The following NUDC variants were observed in gnomAD, a reference collection of about 807,000 sequenced individuals.
NUDC encodes the protein nuclear distribution C, dynein complex regulator.
In NUDC, 14 loss-of-function variants were observed where a neutral mutation model predicts 45.0. That is an observed-to-expected ratio of 0.31 (90% CI 0.21 to 0.49). The LOEUF (loss-of-function observed/expected upper bound fraction) is 0.49. NUDC is among the 20% of genes least tolerant of loss of function. NUDC has a pLI of 0.99. For missense variants in NUDC, 323 were observed against 426.2 expected (o/e 0.76, Z 2.13); for synonymous variants, 153 against 156.7 (o/e 0.98, Z 0.17).
intron 3 of NUDC, among the ~76,000 whole-genome samples, chr1:26,914,732 T>C (rs2082052092): frequency 6.6e-6 from 1 of 152,028 alleles, no homozygotes; most frequent in Admixed American, 6.6e-5. Flanking sequence ...TTTGGGAGGC[T>C]GAGGAAGGGG....
chr1:26,902,586 CAAAT>C (rs1367314874), intron 2 of NUDC, among the ~76,000 whole-genome samples: 1 of 152,096 alleles, frequency 6.6e-6, no homozygotes, highest in Non-Finnish European at 1.5e-5. Flanking sequence ...ATAATCCTTT[CAAAT>C]AAAATCTCTC....
In NUDC at chr1:26,941,741, T is replaced by C. The variant is rs1267265934; in HGVS notation, c.364-12T>C. ...GGGGTCCTGTTGCCAACTGCTGTGC[T>C]CTTTGCCCCAGAAAAAGGATGCAGA... On this transcript the variant is annotated splice_polypyrimidine_tract_variant and intron_variant, in intron 3 of 8. Transcript: ENST00000321265. 1.9e-6 allele frequency: 3 copies of C among 1,614,132 alleles called. No individual in the cohort carries two copies. The highest frequency in any genetic ancestry group is 2.2e-5 in the South Asian group (2 of 91,078).
In NUDC at chr1:26,942,943, C is replaced by T; in HGVS notation, c.619C>T (p.Leu207Phe). The change falls in exon 6 of 9, where the codon CTC becomes TTC. Residue 207 changes from leucine (L) to phenylalanine (F), a missense_variant. By Grantham distance (22) the Leu-to-Phe change is conservative (BLOSUM62 0). Around this residue, in one of 3 missense-constraint regions of NUDC, gnomAD observed 245 missense variants for 278.8 expected, o/e 0.88. Transcript: ENST00000321265. ...GGTGGTGGACATCCAGCGGCGGCAC[C>T]TCCGGGTGGGGCTCAAGGGGCAGCC... ...DMVVDIQRRH[L>F]RVGLKGQPAI... is the part of the protein sequence containing the mutation. 3.1e-6 allele frequency: 5 copies of T among 1,614,128 alleles called. No individual in the cohort carries two copies. Among genetic ancestry groups the T allele is most frequent in the Non-Finnish European group, 4.2e-6 (5 of 1,180,040 alleles).
chr1:26,920,199 A>C (rs942366477), upstream of NUDC, among the ~76,000 whole-genome samples: 3 of 152,184 alleles, frequency 2.0e-5, no homozygotes, highest in Non-Finnish European at 2.9e-5. Context: ...TAAAAAATAG[A>C]CTAGAACAGG....
intron 4 of NUDC, 30 bp downstream of exon 4, chr1:26,941,848 G>A (rs769165805): frequency 1.2e-6 from 2 of 1,608,580 alleles, no homozygotes; most frequent in Admixed American, 3.3e-5. Flanking sequence ...CTTGGGATGA[G>A]CCAGGAGCTT....
intron 3 of NUDC, among the ~76,000 whole-genome samples, chr1:26,912,520 T>C (rs1384795137): frequency 6.6e-6 from 1 of 152,206 alleles, no homozygotes; most frequent in African/African-American, 2.4e-5. Context: ...GTAAGTGTGA[T>C]ATGAGTATTT....
chr1:26,906,575 C>T (rs561168331), intron 2 of NUDC, among the ~76,000 whole-genome samples: 3 of 152,232 alleles, frequency 2.0e-5, no homozygotes, highest in East Asian at 1.9e-4. Flanking sequence ...GTGGGCCGGG[C>T]GTGGTGGCTC....
intron 3 of NUDC, 37 bp downstream of exon 3, chr1:26,941,697 C>A: frequency 1.2e-6 from 2 of 1,613,488 alleles, no homozygotes; most frequent in Non-Finnish European, 1.7e-6. Flanking sequence ...CCCTCAGATC[C>A]CCCCTGGCAC....
intron 2 of NUDC, among the ~76,000 whole-genome samples, chr1:26,940,135 C>A (rs536351180): frequency 6.6e-6 from 1 of 152,210 alleles, no homozygotes; most frequent in African/African-American, 2.4e-5. Flanking sequence ...GCTCTTCCTT[C>A]AAGAAAGCTC....
chr1:26,917,130 CCCCTGTAGT>C (rs1346221806), upstream of NUDC, among the ~76,000 whole-genome samples: 1 of 151,492 alleles, frequency 6.6e-6, no homozygotes, highest in Non-Finnish European at 1.5e-5. Context: ...TGGTGGCATG[CCCCTGTAGT>C]CCCAGCTACT....
intron 2 of NUDC, among the ~76,000 whole-genome samples, chr1:26,929,916 C>T (rs1278301273): frequency 2.0e-5 from 3 of 151,960 alleles, no homozygotes; most frequent in East Asian, 1.9e-4. Flanking sequence ...CCCAGCTACT[C>T]GGGAGGCTGA....
At chr1:26,922,377 G>T in intron 1 of NUDC, 1 of 217,208 alleles carries the variant, frequency 4.6e-6, no homozygotes, top group South Asian at 5.6e-5. Context: ...GGAGGCCTGT[G>T]TTCACGATTA....
At chr1:26,916,387 C>G (rs936887741) in intron 3 of NUDC, among the ~76,000 whole-genome samples, 13 of 151,472 alleles carry the variant, frequency 8.6e-5, no homozygotes, top group African/African-American at 3.2e-4. Context: ...AAGACTCTGT[C>G]TAAAAAAAAA....
chr1:26,919,272 T>G (rs2082077132), upstream of NUDC, among the ~76,000 whole-genome samples: 1 of 151,954 alleles, frequency 6.6e-6, no homozygotes, highest in African/African-American at 2.4e-5. Flanking sequence ...ATACTTTGAG[T>G]TCTAGGGTAC....
At chr1:26,900,915 G>A (rs1403466239) in intron 1 of NUDC, among the ~76,000 whole-genome samples, 4 of 152,152 alleles carry the variant, frequency 2.6e-5, no homozygotes, top group East Asian at 1.9e-4. Context: ...TACAATGAAA[G>A]TGCTATGAGT....
In NUDC at chr1:26,942,642, G is replaced by A; in HGVS notation, c.430-18G>A. 1 of 1,613,894 alleles carries A rather than the reference G, an allele frequency of 6.2e-7. No homozygotes were observed. The highest frequency in any genetic ancestry group is 1.1e-5 in the South Asian group (1 of 90,990). ...TTGTCTGTCAAGTAAGTAGCTGAGTGTCCCTGATTGTAAGCAGGATACTGA... is the reference window on the plus strand; with the variant it reads ...TTGTCTGTCAAGTAAGTAGCTGAGTATCCCTGATTGTAAGCAGGATACTGA... On this transcript the variant is annotated intron_variant, in intron 4 of 8. Coordinates refer to ENST00000321265, the MANE Select transcript of NUDC (RefSeq NM_006600.4).
At chr1:26,935,026 G>A (rs1268456373) in intron 2 of NUDC, among the ~76,000 whole-genome samples, 8 of 150,714 alleles carry the variant, frequency 5.3e-5, no homozygotes, top group Non-Finnish European at 1.2e-4. Flanking sequence ...CTGTCACCCA[G>A]GCTGGAGTGC....
At chr1:26,924,974 G>A (rs1419416631) in intron 2 of NUDC, among the ~76,000 whole-genome samples, 1 of 151,688 alleles carries the variant, frequency 6.6e-6, no homozygotes, top group Non-Finnish European at 1.5e-5. Context: ...TCCGCCTCCT[G>A]GGTTTAAGTG....
At chr1:26,908,200 CACAG>C (rs1000827087) in intron 2 of NUDC, among the ~76,000 whole-genome samples, 2 of 151,844 alleles carry the variant, frequency 1.3e-5, no homozygotes, top group South Asian at 2.1e-4. Context: ...AGAGTCTTAG[CACAG>C]ACAGTGATCA....
Sources: allele counts gnomAD v4.1 joint callset (sites outside exome capture counted in the v4.1 genomes callset), GRCh38; gene constraint gnomAD v4.1.1; regional missense constraint gnomAD v4.1.1; transcripts MANE v1.5; gene names NCBI Gene and HGNC (gene_info 2026-07-23, HGNC 2026-07-21).